The following SPATA7 variants were observed in gnomAD, a reference collection of about 807,000 sequenced individuals.
The protein encoded by SPATA7 is spermatogenesis associated 7.
Under a neutral mutation model 51.8 loss-of-function variants are expected in SPATA7, and 43 were observed. That is an observed-to-expected ratio of 0.83 (90% CI 0.65 to 1.07). SPATA7 has a LOEUF of 1.07. SPATA7 is among the 50% of genes least tolerant of loss of function. The pLI, the probability that SPATA7 is intolerant of heterozygous loss-of-function variation, is 0.00. For missense variants in SPATA7, 683 were observed against 701.3 expected (o/e 0.97, Z 0.30); for synonymous variants, 230 against 252.8 (o/e 0.91, Z 0.86).
At chr14:88,459,906 C>T (rs1290837990), downstream of SPATA7, among the ~76,000 whole-genome samples, 1 of 152,112 alleles carries the variant, frequency 6.6e-6, no homozygotes, top group Non-Finnish European at 1.5e-5. Context: ...GTAGAGCAGG[C>T]CTGGTGGTGA....
At chr14:88,449,911 G>T (rs1465413204) in intron 3 of SPATA7, among the ~76,000 whole-genome samples, 2 of 151,748 alleles carry the variant, frequency 1.3e-5, no homozygotes, top group African/African-American at 4.8e-5. Context: ...TGCTTTTGTT[G>T]TCCATTTGCA....
downstream of SPATA7, among the ~76,000 whole-genome samples, chr14:88,456,551 G>A (rs1378304569): frequency 1.3e-4 from 20 of 151,934 alleles, no homozygotes; most frequent in Admixed American, 1.2e-3. Flanking sequence ...CATATCCTTC[G>A]CCCACTTGTT....
At chr14:88,419,127 A>T (rs1160663907) in intron 5 of SPATA7, among the ~76,000 whole-genome samples, 1 of 152,160 alleles carries the variant, frequency 6.6e-6, no homozygotes, top group Non-Finnish European at 1.5e-5. Context: ...TGGTTAATCT[A>T]TCAGTTATTG....
intron 2 of SPATA7, among the ~76,000 whole-genome samples, chr14:88,392,128 T>A (rs1413932430): frequency 6.6e-6 from 1 of 152,228 alleles, no homozygotes; most frequent in African/African-American, 2.4e-5. Flanking sequence ...TTTTTAAAGT[T>A]TATGATTGTG....
rs2077132550 is a variant in SPATA7 at position 88,437,858 on chromosome 14, G to A, written c.1236G>A (p.Leu412=). ...HLEEEKMRHL[L]HVLKVDLGCT... is the part of the protein sequence containing the mutation. Reference sequence around the variant, plus strand: ...CCTAGGAAAAAATGCGCCACCTGCTGCATGTCCTGAAAGTAGACTTAGGCT... The same window carrying A: ...CCTAGGAAAAAATGCGCCACCTGCTACATGTCCTGAAAGTAGACTTAGGCT... The change falls in exon 12 of 12, where the codon CTG becomes CTA. Residue 412 remains leucine, a synonymous_variant. Coordinates refer to ENST00000393545, the MANE Select transcript of SPATA7 (RefSeq NM_018418.5). 2 of 1,596,858 alleles carry A rather than the reference G, an allele frequency of 1.3e-6. No homozygotes were observed. The highest frequency in any genetic ancestry group is 4.5e-5 in the East Asian group (2 of 44,700).
intron 5 of SPATA7, among the ~76,000 whole-genome samples, chr14:88,421,577 G>A (rs1165252989): frequency 6.6e-6 from 1 of 152,174 alleles, no homozygotes; most frequent in African/African-American, 2.4e-5. Flanking sequence ...GACAGTTGCA[G>A]TAATCTGGGA....
intron 4 of SPATA7, among the ~76,000 whole-genome samples, chr14:88,413,344 A>G (rs757409605): frequency 9.9e-5 from 15 of 152,078 alleles, no homozygotes; most frequent in South Asian, 8.3e-4. Flanking sequence ...TTTGGCTCTC[A>G]GCTTGAATAT....
At chr14:88,420,406 G>T (rs2076608943) in intron 5 of SPATA7, among the ~76,000 whole-genome samples, 1 of 152,148 alleles carries the variant, frequency 6.6e-6, no homozygotes, top group African/African-American at 2.4e-5. Context: ...CATATTTCAG[G>T]TTAGTTGTTT....
At chr14:88,430,089 A>T (rs2076900938) in intron 8 of SPATA7, among the ~76,000 whole-genome samples, 1 of 152,068 alleles carries the variant, frequency 6.6e-6, no homozygotes, top group East Asian at 1.9e-4. Flanking sequence ...CGATAGTTTC[A>T]GTTGTCAAAT....
chr14:88,437,478 A>C (rs74075035), intron 10 of SPATA7, 65 bp from the exon 11 acceptor site: 7 of 1,128,422 alleles, frequency 6.2e-6, no homozygotes, highest in Non-Finnish European at 9.4e-6. Context: ...AGTGTTACGT[A>C]GCTAGTTTAT....
chr14:88,386,822 T>G (rs1272333268), intron 1 of SPATA7, among the ~76,000 whole-genome samples: 1 of 152,138 alleles, frequency 6.6e-6, no homozygotes, highest in Non-Finnish European at 1.5e-5. Flanking sequence ...TTTGAATGAG[T>G]CTGCCTTTAT....
intron 3 of SPATA7, among the ~76,000 whole-genome samples, chr14:88,447,824 C>G (rs2077224851): frequency 6.6e-6 from 1 of 152,174 alleles, no homozygotes; most frequent in Admixed American, 6.6e-5. Flanking sequence ...CCACTCTCTT[C>G]TGGCTTGTAG....
At chr14:88,442,190 G>GTTTA (rs2077182613), downstream of SPATA7, among the ~76,000 whole-genome samples, 1 of 151,666 alleles carries the variant, frequency 6.6e-6, no homozygotes, top group Admixed American at 6.6e-5. Flanking sequence ...TTGTTTGTTT[G>GTTTA]TTTGTTTGTT....
intron 4 of SPATA7, chr14:88,468,963 C>G (rs574357713): frequency 3.7e-6 from 6 of 1,614,190 alleles, no homozygotes; most frequent in Non-Finnish European, 5.1e-6. Context: ...AAAATCACCA[C>G]GCCAGTCCTT....
chr14:88,423,354 A>G (rs1279475629), intron 5 of SPATA7, among the ~76,000 whole-genome samples: 3 of 146,838 alleles, frequency 2.0e-5, no homozygotes, highest in African/African-American at 7.7e-5. Flanking sequence ...CCTGGACAAC[A>G]TGGCAAAACC....
At chr14:88,406,373 T>G (rs1413193115) in intron 4 of SPATA7, among the ~76,000 whole-genome samples, 2 of 151,514 alleles carry the variant, frequency 1.3e-5, no homozygotes. Flanking sequence ...GAAGATCCCT[T>G]GTACCCATTT....
At chr14:88,401,661 G>A (rs1431898204) in intron 4 of SPATA7, among the ~76,000 whole-genome samples, 1 of 151,734 alleles carries the variant, frequency 6.6e-6, no homozygotes, top group East Asian at 1.9e-4. Context: ...GTAAGACCAT[G>A]CCTCTACAAA....
At chr14:88,405,614 T>A (rs2076180450) in intron 4 of SPATA7, among the ~76,000 whole-genome samples, 1 of 152,226 alleles carries the variant, frequency 6.6e-6, no homozygotes, top group Admixed American at 6.5e-5. Context: ...AAAAATGACT[T>A]CCAAGACTTA....
In SPATA7 at chr14:88,438,415, A is replaced by G; in HGVS notation, c.1793A>G (p.Asp598Gly). The G allele has an allele frequency of 6.2e-7, 1 of 1,610,960 alleles. No homozygotes were observed. The highest frequency in any genetic ancestry group is 1.7e-5 in the Admixed American group (1 of 59,930). The stretch of plus-strand genomic sequence containing the variant: ...ATGAGCATTGAGGACTGCCCTTTGG[A>G]TGTTTAATCTTCATTAATAAATACC... ...MEMSIEDCPL[D>G]V Residue 598 changes from aspartate to glycine, a missense_variant, in exon 12 of 12, where the codon GAT (aspartate) becomes GGT (glycine). Physicochemically the swap from Asp to Gly is moderately conservative, Grantham distance 94. Coordinates refer to ENST00000393545, the MANE Select transcript of SPATA7 (RefSeq NM_018418.5).
Sources: allele counts gnomAD v4.1 joint callset (sites outside exome capture counted in the v4.1 genomes callset), GRCh38; gene constraint gnomAD v4.1.1; transcripts MANE v1.5; gene names NCBI Gene and HGNC (gene_info 2026-07-23, HGNC 2026-07-21).